Variants in ACSS3 observed in about 807,000 individuals in gnomAD.
ACSS3 encodes the protein acyl-CoA synthetase short-chain family member 3, mitochondrial.
A neutral mutation model predicts 84.2 loss-of-function variants in ACSS3; 64 were observed. That is an observed-to-expected ratio of 0.76 (90% CI 0.62 to 0.94). The LOEUF is 0.94. Ranked by LOEUF, ACSS3 falls within the 40% of genes least tolerant of loss-of-function variation. ACSS3 has a pLI of 0.00. For missense variants in ACSS3, 815 were observed against 867.6 expected, an observed-to-expected ratio of 0.94 and a Z score of 0.76; for synonymous variants, 317 against 310.1, an observed-to-expected ratio of 1.02 and a Z score of -0.23.
At chr12:81,181,817 G>A (rs1462643350) in intron 8 of ACSS3, among the ~76,000 whole-genome samples, 2 of 135,356 alleles carry the variant, frequency 1.5e-5, no homozygotes, top group Non-Finnish European at 3.1e-5. Context: ...AAAAGAATCT[G>A]TGAACTTCTT....
At chr12:81,080,350 C>T (rs965324548) in intron 1 of ACSS3, among the ~76,000 whole-genome samples, 8 of 151,300 alleles carry the variant, frequency 5.3e-5, no homozygotes, top group African/African-American at 1.9e-4. Context: ...TATCTAGTTG[C>T]TTGTCTACAT....
At chr12:81,134,120 T>C (rs2121553541) in intron 2 of ACSS3, among the ~76,000 whole-genome samples, 1 of 151,418 alleles carries the variant, frequency 6.6e-6, no homozygotes. Flanking sequence ...CAGAGGAAAG[T>C]CATTTTGTAT....
At chr12:81,192,166 G>A (rs2031601454) in intron 8 of ACSS3, among the ~76,000 whole-genome samples, 1 of 152,032 alleles carries the variant, frequency 6.6e-6, no homozygotes. Flanking sequence ...TGGATCACGA[G>A]GTCAGGAGTT....
At chr12:81,212,034 T>C (rs2032613299) in intron 9 of ACSS3, among the ~76,000 whole-genome samples, 1 of 152,240 alleles carries the variant, frequency 6.6e-6, no homozygotes, top group African/African-American at 2.4e-5. Context: ...ACATGTCTTC[T>C]CTTCTTTCAG....
chr12:81,180,091 G>A (rs904031536), intron 8 of ACSS3, among the ~76,000 whole-genome samples: 11 of 152,190 alleles, frequency 7.2e-5, no homozygotes, highest in Non-Finnish European at 1.3e-4. Flanking sequence ...AATATGGATA[G>A]AGGTGTAGAC....
intron 5 of ACSS3, among the ~76,000 whole-genome samples, chr12:81,144,929 C>T (rs1221227342): frequency 1.7e-5 from 2 of 115,800 alleles, no homozygotes; most frequent in Admixed American, 1.2e-4. Flanking sequence ...TTGAGACAGT[C>T]TCCCTCTGTT....
At chr12:81,143,084 A>G in intron 4 of ACSS3, 23 bp from the exon 5 acceptor site, 1 of 1,604,536 alleles carries the variant, frequency 6.2e-7, no homozygotes, top group Non-Finnish European at 8.5e-7. Flanking sequence ...TACAGTACAT[A>G]TTCTTATATT....
At chr12:81,103,365 A>G (rs575131262) in intron 1 of ACSS3, among the ~76,000 whole-genome samples, 1 of 152,292 alleles carries the variant, frequency 6.6e-6, no homozygotes, top group East Asian at 1.9e-4. Context: ...CCTGCCCACG[A>G]ATTTAGAAGG....
chr12:81,179,182 A>T (rs1312899088), intron 8 of ACSS3, among the ~76,000 whole-genome samples: 1 of 151,536 alleles, frequency 6.6e-6, no homozygotes, highest in African/African-American at 2.4e-5. Flanking sequence ...ACCTAAAACT[A>T]TAAAAATCCT....
chr12:81,233,738 A>G (rs948476482), intron 13 of ACSS3, among the ~76,000 whole-genome samples: 2 of 151,558 alleles, frequency 1.3e-5, no homozygotes, highest in African/African-American at 4.8e-5. Flanking sequence ...TTGCTTCTTA[A>G]TACTTGCTAC....
At chr12:81,115,395 AT>A (rs888567226) in intron 2 of ACSS3, among the ~76,000 whole-genome samples, 208 of 151,314 alleles carry the variant, frequency 1.4e-3, no homozygotes, top group Non-Finnish European at 2.0e-3. Context: ...TTGTGATTTA[AT>A]TTTTTTTTCC....
At chr12:81,194,721 C>A (rs1364346846) in intron 8 of ACSS3, among the ~76,000 whole-genome samples, 1 of 151,862 alleles carries the variant, frequency 6.6e-6, no homozygotes, top group Non-Finnish European at 1.5e-5. Flanking sequence ...TGCAAAAACA[C>A]AGTAATAAAT....
intron 1 of ACSS3, among the ~76,000 whole-genome samples, chr12:81,106,420 A>G (rs546339068): frequency 4.4e-4 from 67 of 152,302 alleles, no homozygotes; most frequent in African/African-American, 1.5e-3. Context: ...CACTGATTCT[A>G]CATTATGGTG....
intron 2 of ACSS3, among the ~76,000 whole-genome samples, chr12:81,119,696 G>A (rs569360594): frequency 1.7e-4 from 26 of 152,132 alleles, no homozygotes; most frequent in African/African-American, 4.8e-4. Flanking sequence ...GCCTGACCCC[G>A]CAGGCAGTCA....
chr12:81,182,250 A>C (rs1363403822), intron 8 of ACSS3, among the ~76,000 whole-genome samples: 2 of 152,166 alleles, frequency 1.3e-5, no homozygotes, highest in Non-Finnish European at 2.9e-5. Context: ...ATGGTGCTGA[A>C]AGGAATAAGA....
At chr12:81,206,339 A>C (rs2032344760) in intron 9 of ACSS3, among the ~76,000 whole-genome samples, 1 of 152,020 alleles carries the variant, frequency 6.6e-6, no homozygotes, top group Admixed American at 6.6e-5. Flanking sequence ...GCAAAACATG[A>C]CCCCATGAAC....
At chr12:81,139,735 A>C (rs1278374634) in intron 4 of ACSS3, among the ~76,000 whole-genome samples, 1 of 151,426 alleles carries the variant, frequency 6.6e-6, no homozygotes, top group African/African-American at 2.4e-5. Context: ...CCCTGGGTTC[A>C]TGCCATTCTC....
At chr12:81,126,828 G>A (rs563063261) in intron 2 of ACSS3, among the ~76,000 whole-genome samples, 24 of 152,054 alleles carry the variant, frequency 1.6e-4, no homozygotes, top group Non-Finnish European at 2.9e-4. Context: ...TGAAGAAACT[G>A]GTAATGAGAA....
chr12:81,185,184 T>C (rs1463040932), intron 8 of ACSS3, among the ~76,000 whole-genome samples: 1 of 151,594 alleles, frequency 6.6e-6, no homozygotes, highest in East Asian at 1.9e-4. Context: ...CCTTCAACAG[T>C]TTAGGTATAG....
Sources: allele counts gnomAD v4.1 joint callset (sites outside exome capture counted in the v4.1 genomes callset), GRCh38; gene constraint gnomAD v4.1.1; transcripts MANE v1.5; gene names NCBI Gene and HGNC (gene_info 2026-07-23, HGNC 2026-07-21).